DCC: variants seen among roughly 807,000 people sequenced by gnomAD.
The protein encoded by DCC is netrin receptor DCC.
DCC carries 58 observed loss-of-function variants against 172.5 expected under a neutral mutation model. That is an observed-to-expected ratio of 0.34 (90% CI 0.27 to 0.42). The LOEUF (loss-of-function observed/expected upper bound fraction) is 0.42. DCC is among the 10% of genes least tolerant of loss of function. The probability of loss-of-function intolerance (pLI) is 1.00; values close to 1 mark genes in which losing one functional copy is unlikely to be tolerated. For synonymous variants in DCC, 709 were observed against 644.5 expected (o/e 1.10, Z -1.52); for missense variants, 1,740 against 1,791.0 (o/e 0.97, Z 0.51).
chr18:53,384,973 G>A (rs369071707), intron 15 of DCC, among the ~76,000 whole-genome samples: 1 of 148,716 alleles, frequency 6.7e-6, no homozygotes, highest in African/African-American at 2.5e-5. Flanking sequence ...TCAGCTTCCC[G>A]AGTAGCTGGG....
At chr18:52,433,988 G>A (rs989529505) in intron 1 of DCC, among the ~76,000 whole-genome samples, 3 of 152,166 alleles carry the variant, frequency 2.0e-5, no homozygotes, top group African/African-American at 7.2e-5. Context: ...AGGGAAAAAA[G>A]TGCCATGTAA....
intron 1 of DCC, among the ~76,000 whole-genome samples, chr18:52,384,470 C>G (rs1985711701): frequency 6.6e-6 from 1 of 152,092 alleles, no homozygotes; most frequent in Admixed American, 6.5e-5. Flanking sequence ...CTGTGGAGAC[C>G]ATTCTCTGCA....
rs149383845 is a variant in DCC, at chr18:53,394,435, G to A, written c.2688+2548G>A. Among the ~76,000 whole-genome samples the A allele has an allele frequency of 2.6e-5, 4 of 152,208 alleles. No homozygotes were observed. In the East Asian group the frequency reaches 7.7e-4, roughly 29 times the overall value. ...TTACTCCCAAATCTATAATACAGAT[G>A]CTCATGTTTTGATTGTCTAAAACCC... On this transcript the variant is annotated intron_variant, in intron 17 of 28. Transcript: ENST00000442544.
chr18:52,473,591 A>T (rs1177186342), intron 1 of DCC, among the ~76,000 whole-genome samples: 1 of 152,196 alleles, frequency 6.6e-6, no homozygotes, highest in Non-Finnish European at 1.5e-5. Flanking sequence ...AGAAAGGAGC[A>T]GATTGAGTGC....
rs146180643 is a variant in DCC at position 52,531,595 on chromosome 18, G to C, written c.91+190717G>C. Among the ~76,000 whole-genome samples, 17 of 152,038 alleles carry C rather than the reference G, an allele frequency of 1.1e-4. No individual in the cohort carries two copies. The East Asian group carries it at 2.7e-3, about 24-fold the overall frequency. On this transcript the variant is annotated intron_variant, in intron 1 of 28. Transcript: ENST00000442544. ...GTAGACAATTGAAATATGTTTCTCT[G>C]TGTGTGTGTGTCTGATCTATAGCCT...
In DCC at chr18:53,123,466, C is replaced by T. The variant is rs576922952; in HGVS notation, c.1262-33890C>T. Among the ~76,000 whole-genome samples, 397 of 152,086 alleles carry T rather than the reference C, an allele frequency of 2.6e-3. 1 individual carries two copies. The highest frequency in any genetic ancestry group is 8.3e-3 in the African/African-American group (346 of 41,534). ...GATGAACAGCAGCAGTTCCCAGAGGCCCTGCAAGTCATTCTAAGGCCTCAA... is the reference window on the plus strand; with the variant it reads ...GATGAACAGCAGCAGTTCCCAGAGGTCCTGCAAGTCATTCTAAGGCCTCAA... On this transcript the variant is annotated intron_variant, in intron 7 of 28. Coordinates refer to ENST00000442544, the MANE Select transcript of DCC (RefSeq NM_005215.4).
At chr18:53,262,987 A>T (rs932816523) in intron 12 of DCC, among the ~76,000 whole-genome samples, 1 of 152,194 alleles carries the variant, frequency 6.6e-6, no homozygotes, top group Non-Finnish European at 1.5e-5. Context: ...TTGGTCTTTC[A>T]TTGGTAAGCA....
At chr18:53,364,486 A>T (rs1470376034) in intron 15 of DCC, among the ~76,000 whole-genome samples, 1 of 152,160 alleles carries the variant, frequency 6.6e-6, no homozygotes, top group African/African-American at 2.4e-5. Context: ...GATCAGAGAG[A>T]GAACACTGTG....
At chr18:53,479,115 A>G (rs1476859215) in intron 25 of DCC, among the ~76,000 whole-genome samples, 2 of 152,176 alleles carry the variant, frequency 1.3e-5, no homozygotes, top group Non-Finnish European at 2.9e-5. Context: ...TCAACAGCAC[A>G]CCCATTTTCA....
At chr18:53,355,462 T>A (rs534653357) in intron 15 of DCC, among the ~76,000 whole-genome samples, 1 of 152,310 alleles carries the variant, frequency 6.6e-6, no homozygotes, top group Non-Finnish European at 1.5e-5. Context: ...AGCAGTGGTT[T>A]GTAGTTCTCC....
At position 53,450,601 on chromosome 18, in the gene DCC, G is replaced by C; in HGVS notation, c.3331G>C (p.Val1111Leu). The change falls in exon 23 of 29, where the codon GTG (valine) becomes CTG (leucine). Residue 1111 changes from valine to leucine, a missense_variant. This residue lies in a region of DCC where 1,732 missense variants were observed against 1,767.4 expected (regional missense o/e 0.98). Coordinates refer to ENST00000442544, the MANE Select transcript of DCC (RefSeq NM_005215.4). ...TGTGGTCACCGTTGGTGTCATCACAGTGCTGGTAGTGGTCATCGTGGCTGT... is the reference window on the plus strand; with the variant it reads ...TGTGGTCACCGTTGGTGTCATCACACTGCTGGTAGTGGTCATCGTGGCTGT... Reference protein sequence around the residue: ...IIVVTVGVITVLVVVIVAVIC... With the variant: ...IIVVTVGVITLLVVVIVAVIC... The C allele has an allele frequency of 6.2e-7, 1 of 1,612,694 alleles. No individual in the cohort carries two copies. Among genetic ancestry groups the C allele is most frequent in the South Asian group, 1.1e-5 (1 of 91,000 alleles).
rs111796030 is a variant in DCC, at chr18:52,875,024, A to G, written c.413-31020A>G. Among the ~76,000 whole-genome samples the G allele has an allele frequency of 5.9e-3, 897 of 152,150 alleles. 15 individuals are homozygous for G. Among genetic ancestry groups the G allele is most frequent in the African/African-American group, 0.02 (847 of 41,508 alleles). On this transcript the variant is annotated intron_variant, in intron 2 of 28. Coordinates refer to ENST00000442544, the MANE Select transcript of DCC (RefSeq NM_005215.4). Reference sequence around the variant, plus strand: ...TTTGGGATGACTAAGGCAGAGGAATATTGCCTTCTGGGGTGTTTGGGCCAG... The same window carrying G: ...TTTGGGATGACTAAGGCAGAGGAATGTTGCCTTCTGGGGTGTTTGGGCCAG...
chr18:52,414,229 C>T lies in DCC; in HGVS notation c.91+73351C>T, dbSNP rs185743132. Among the ~76,000 whole-genome samples, 312 of 152,116 alleles carry T rather than the reference C, an allele frequency of 2.1e-3. 4 individuals carry two copies. The highest frequency in any genetic ancestry group is 0.014 in the East Asian group (70 of 5,146). On this transcript the variant is annotated intron_variant, in intron 1 of 28. Coordinates refer to ENST00000442544, the MANE Select transcript of DCC (RefSeq NM_005215.4). ...CCAAGTAGCTGGGAATACAGGTGCC[C>T]GCCACCATGCCTGGCTAATTATTTT...
At chr18:52,943,008 T>A (rs953714847) in intron 5 of DCC, among the ~76,000 whole-genome samples, 2 of 152,240 alleles carry the variant, frequency 1.3e-5, no homozygotes, top group Non-Finnish European at 2.9e-5. Context: ...ATAAAATGCC[T>A]GCCACAGAGT....
chr18:52,790,878 C>T (rs866301569), intron 2 of DCC, among the ~76,000 whole-genome samples: 1 of 152,298 alleles, frequency 6.6e-6, no homozygotes, highest in African/African-American at 2.4e-5. Flanking sequence ...TTTTAGAAAG[C>T]TTCTATATAC....
At chr18:52,343,009 C>T (rs9945861) in intron 1 of DCC, among the ~76,000 whole-genome samples, 47,371 of 152,116 alleles carry the variant, frequency 0.31, 7,496 homozygotes, top group East Asian at 0.43. Flanking sequence ...CACACACATA[C>T]ACATGGGTTA....
chr18:53,339,199 A>G (rs145181357), intron 14 of DCC, among the ~76,000 whole-genome samples: 1 of 152,344 alleles, frequency 6.6e-6, no homozygotes, highest in African/African-American at 2.4e-5. Context: ...CTGATTTAAT[A>G]AACCATGAAT....
At chr18:52,802,004 C>T (rs78724428) in intron 2 of DCC, among the ~76,000 whole-genome samples, 2 of 144,232 alleles carry the variant, frequency 1.4e-5, no homozygotes, top group Admixed American at 7.0e-5. Context: ...TTATTCTATT[C>T]TTTTTTTTTT....
intron 22 of DCC, among the ~76,000 whole-genome samples, chr18:53,449,297 T>C (rs2045376373): frequency 6.6e-6 from 1 of 152,208 alleles, no homozygotes; most frequent in Non-Finnish European, 1.5e-5. Context: ...GTATTGCTAG[T>C]TGATTTATCA....
Sources: gnomAD v4.1 joint callset for allele counts (sites outside exome capture counted in the v4.1 genomes callset) on GRCh38, gnomAD v4.1.1 for gene constraint, gnomAD v4.1.1 regional missense constraint, MANE v1.5 for transcripts, NCBI Gene and HGNC (gene_info 2026-07-23, HGNC 2026-07-21) for gene names.